The following CABIN1 variants were observed in gnomAD, a reference collection of about 807,000 sequenced individuals.
The protein encoded by CABIN1 is calcineurin binding protein 1, also known as calcineurin-binding protein cabin-1.
In CABIN1, 133 loss-of-function variants were observed where a neutral mutation model predicts 227.7. The ratio of observed to expected loss-of-function variants is 0.58; its 90% CI spans 0.51 to 0.67. The LOEUF (loss-of-function observed/expected upper bound fraction) is 0.67, where lower values mean the gene tolerates loss of function less well. CABIN1 is among the 30% of genes least tolerant of loss of function. CABIN1 has a pLI of 0.00. For missense variants in CABIN1, 2,408 were observed against 2,852.5 expected, an observed-to-expected ratio of 0.84 and a Z score of 3.55; for synonymous variants, 1,086 against 1,155.1, an observed-to-expected ratio of 0.94 and a Z score of 1.21.
Position 24,076,163 on chromosome 22 carries a change from C to T in CABIN1, c.2633-6C>T. 4 of 1,612,290 alleles carry T rather than the reference C, an allele frequency of 2.5e-6. No individual in the cohort carries two copies. The highest frequency in any genetic ancestry group is 3.4e-6 in the Non-Finnish European group (4 of 1,178,342). ...CTCTGTGTCTGTCGGCCTGGGCTTT[C>T]CCTAGGGATGTCAGAGACGCCCATG... On this transcript the variant is annotated splice_polypyrimidine_tract_variant and splice_region_variant and intron_variant, in intron 18 of 36. Coordinates refer to ENST00000263119, the MANE Select transcript of CABIN1 (RefSeq NM_012295.4).
intron 5 of CABIN1, among the ~76,000 whole-genome samples, chr22:24,041,583 T>C (rs1240835498): frequency 6.6e-6 from 1 of 152,178 alleles, no homozygotes; most frequent in Non-Finnish European, 1.5e-5. Flanking sequence ...TACACCAATA[T>C]AGTGGTAATA....
intron 25 of CABIN1, among the ~76,000 whole-genome samples, chr22:24,097,518 T>C (rs1298708947): frequency 1.3e-5 from 2 of 152,240 alleles, no homozygotes; most frequent in African/African-American, 4.8e-5. Context: ...ATAGTATGGA[T>C]GTACCATGTT....
chr22:24,153,206 A>C (rs1386493151), intron 29 of CABIN1, among the ~76,000 whole-genome samples: 1 of 152,174 alleles, frequency 6.6e-6, no homozygotes, highest in Admixed American at 6.5e-5. Flanking sequence ...GGAGGGTGTG[A>C]CCACTTAAGC....
intron 29 of CABIN1, among the ~76,000 whole-genome samples, chr22:24,156,908 T>A (rs1274095097): frequency 6.6e-6 from 1 of 151,996 alleles, no homozygotes; most frequent in Non-Finnish European, 1.5e-5. Flanking sequence ...GCGCTCCACG[T>A]CTTATTTGGC....
chr22:24,099,261 GT>G (rs921686348), intron 26 of CABIN1, among the ~76,000 whole-genome samples: 12 of 152,296 alleles, frequency 7.9e-5, no homozygotes, highest in African/African-American at 2.9e-4. Context: ...TTGAGAGCAG[GT>G]TTAAAGAAGT....
At chr22:24,059,397 G>T (rs2039031741) in intron 11 of CABIN1, 34 bp downstream of exon 11, 1 of 1,612,878 alleles carries the variant, frequency 6.2e-7, no homozygotes, top group African/African-American at 1.3e-5. Context: ...TTCACTTTGG[G>T]AATTCTTCTT....
Position 24,119,537 on chromosome 22 carries a change from G to A in CABIN1, c.4471G>A (p.Val1491Met). The A allele has an allele frequency of 6.2e-7, 1 of 1,613,950 alleles. No homozygotes were observed. The change falls in exon 28 of 37, where the codon GTG (valine) becomes ATG (methionine). Residue 1491 changes from valine to methionine, a missense_variant. Physicochemically the swap from Val to Met is conservative, Grantham distance 21 (BLOSUM62 1). Transcript: ENST00000263119. ...KKRGDLPGEP[V>M]AFPQGLPAGA... ...GAGAGGGGACCTCCCAGGGGAGCCAGTGGCCTTCCCCCAGGGGCTGCCGGC... is the reference window on the plus strand; with the variant it reads ...GAGAGGGGACCTCCCAGGGGAGCCAATGGCCTTCCCCCAGGGGCTGCCGGC...
chr22:24,015,572 C>T (rs923167184), intron 1 of CABIN1, among the ~76,000 whole-genome samples: 21 of 151,680 alleles, frequency 1.4e-4, no homozygotes, highest in Non-Finnish European at 2.9e-4. Context: ...TCTCGATCTT[C>T]TGACCTTGTG....
intron 26 of CABIN1, chr22:24,102,969 T>C (rs1239027548): frequency 1.3e-5 from 2 of 152,644 alleles, no homozygotes; most frequent in African/African-American, 2.4e-5. Context: ...CTTCGCCTGT[T>C]CGCCCCATGC....
At chr22:24,095,867 T>A in intron 24 of CABIN1, 64 bp from the exon 25 acceptor site, 1 of 1,591,682 alleles carries the variant, frequency 6.3e-7, no homozygotes, top group Non-Finnish European at 8.6e-7. Context: ...TGTGGCTGAC[T>A]GGCCTGTGGA....
At chr22:24,059,892 T>C (rs1271989193) in intron 11 of CABIN1, 32 bp from the exon 12 acceptor site, 1 of 1,593,496 alleles carries the variant, frequency 6.3e-7, no homozygotes, top group African/African-American at 1.3e-5. Context: ...GTACTCTTTA[T>C]TCAAGTCAGG....
At chr22:24,090,010 A>T (rs1016205795) in intron 23 of CABIN1, among the ~76,000 whole-genome samples, 1 of 152,202 alleles carries the variant, frequency 6.6e-6, no homozygotes, top group Non-Finnish European at 1.5e-5. Flanking sequence ...TGAGGTGCCT[A>T]TTCTGCTCTG....
At position 24,178,618 on chromosome 22, in the gene CABIN1, A is replaced by T. The variant is rs1042987890; in HGVS notation, c.*422A>T. ...TTTTTTGGTTGCTTTTCTAATAAAG[A>T]TGGAACAGTTGTCTTTGCCTCTTTG... On this transcript the variant is annotated 3_prime_UTR_variant, in exon 37 of 37. Transcript: ENST00000263119. 3.6e-6 allele frequency: 1 copy of T among 280,740 alleles called. No homozygotes were observed. The highest frequency in any genetic ancestry group is 7.0e-6 in the Non-Finnish European group (1 of 142,718). 17.4% of individuals were successfully genotyped at this position (280,740 alleles called of 1,614,324 possible).
At chr22:24,127,252 G>T (rs2043788068) in intron 28 of CABIN1, among the ~76,000 whole-genome samples, 1 of 152,174 alleles carries the variant, frequency 6.6e-6, no homozygotes, top group African/African-American at 2.4e-5. Context: ...GGGAGGAGGA[G>T]TGTGGTACCC....
intron 10 of CABIN1, among the ~76,000 whole-genome samples, chr22:24,056,823 G>T (rs1289543649): frequency 1.3e-5 from 2 of 152,126 alleles, no homozygotes; most frequent in Non-Finnish European, 2.9e-5. Context: ...GTATTCCTGG[G>T]TTTCACTCAT....
rs1197059165 is a variant in CABIN1 at position 24,076,167 on chromosome 22, A to G, written c.2633-2A>G. 3.7e-6 allele frequency: 6 copies of G among 1,613,070 alleles called. No individual in the cohort carries two copies. The African/African-American group carries it at 4.0e-5, about 11-fold the overall frequency. On this transcript the variant is annotated splice_acceptor_variant, in intron 18 of 36. Transcript: ENST00000263119. LOFTEE classifies it high-confidence loss of function. Reference sequence around the variant, plus strand: ...GTGTCTGTCGGCCTGGGCTTTCCCTAGGGATGTCAGAGACGCCCATGCTCC... The same window carrying G: ...GTGTCTGTCGGCCTGGGCTTTCCCTGGGGATGTCAGAGACGCCCATGCTCC...
At chr22:24,050,419 G>A (rs977054923) in intron 7 of CABIN1, among the ~76,000 whole-genome samples, 13 of 152,186 alleles carry the variant, frequency 8.5e-5, no homozygotes, top group Admixed American at 3.3e-4. Context: ...TTTTTGGGTC[G>A]TGATACACTT....
intron 10 of CABIN1, among the ~76,000 whole-genome samples, chr22:24,056,960 G>A (rs1002399881): frequency 6.0e-5 from 9 of 150,756 alleles, no homozygotes; most frequent in South Asian, 2.1e-4. Flanking sequence ...TTTTTGAGAC[G>A]GAGTCTTGAT....
At chr22:24,019,650 CTTTTTTTTTTTTT>C (rs34361694) in intron 1 of CABIN1, among the ~76,000 whole-genome samples, 4 of 87,030 alleles carry the variant, frequency 4.6e-5, no homozygotes, top group Middle Eastern at 9.4e-3. Flanking sequence ...TTTCTTTACC[CTTTTTTTTTTTTT>C]TTTTTTTTTT....
Sources: gnomAD v4.1 joint callset for allele counts (sites outside exome capture counted in the v4.1 genomes callset) on GRCh38, gnomAD v4.1.1 for gene constraint, MANE v1.5 for transcripts, NCBI Gene and HGNC (gene_info 2026-07-23, HGNC 2026-07-21) for gene names.